The following SLC16A2 variants were observed in gnomAD, a reference collection of about 807,000 sequenced individuals.
The protein encoded by SLC16A2 is solute carrier family 16 member 2.
Under a neutral mutation model 27.2 loss-of-function variants are expected in SLC16A2, and 3 were observed. The observed-to-expected ratio is 0.11, with a 90% confidence interval of 0.05 to 0.28. The LOEUF (loss-of-function observed/expected upper bound fraction) is 0.28, where lower values mean the gene tolerates loss of function less well. Ranked by LOEUF, SLC16A2 falls within the 10% of genes least tolerant of loss-of-function variation. The pLI is 1.00. For missense variants in SLC16A2, 295 were observed against 458.5 expected (o/e 0.64, Z 3.26); for synonymous variants, 202 against 187.8 (o/e 1.08, Z -0.62).
At chrX:74,445,125 G>T (rs1928815600) in intron 1 of SLC16A2, among the ~76,000 whole-genome samples, 1 of 112,071 alleles carries the variant, frequency 8.9e-6, no homozygotes. Context: ...GAGACGCAGA[G>T]AAGTGAAGTA....
chrX:74,486,402 G>A (rs1240628796), intron 1 of SLC16A2, among the ~76,000 whole-genome samples: 1 of 112,253 alleles, frequency 8.9e-6, no homozygotes, highest in Non-Finnish European at 1.9e-5. Flanking sequence ...AGCTGTTTAG[G>A]CATCCTTGTA....
At chrX:74,427,060 C>G (rs1928413737) in intron 1 of SLC16A2, among the ~76,000 whole-genome samples, 2 of 111,983 alleles carry the variant, frequency 1.8e-5, no homozygotes, top group South Asian at 7.5e-4. Flanking sequence ...CAGGGTGGGT[C>G]TGTATGCTGC....
rs1377545085 is a variant in SLC16A2 at position 74,421,608 on chromosome X, G to A, written c.-30G>A. 1.7e-6 allele frequency: 2 copies of A among 1,201,137 alleles called. No homozygotes were observed. The highest frequency in any genetic ancestry group is 2.2e-6 in the Non-Finnish European group (2 of 891,980). On this transcript the variant is annotated 5_prime_UTR_variant, in exon 1 of 6. Transcript: ENST00000587091. ...GTACCAGCCACAAAGCGGCTCCTCT[G>A]GCCCAAGCAGCCACAGTCCCCCCGC...
intron 1 of SLC16A2, among the ~76,000 whole-genome samples, chrX:74,515,069 A>G (rs931086089): frequency 5.3e-5 from 6 of 112,503 alleles, no homozygotes; most frequent in Non-Finnish European, 7.5e-5. Flanking sequence ...TGACACTAAC[A>G]TGAAGATAAC....
At chrX:74,470,383 A>G (rs777584835) in intron 1 of SLC16A2, among the ~76,000 whole-genome samples, 3 of 112,114 alleles carry the variant, frequency 2.7e-5, no homozygotes, top group African/African-American at 9.7e-5. Context: ...GTTTAGTTTT[A>G]TAAGAAACTG....
intron 3 of SLC16A2, among the ~76,000 whole-genome samples, 194 bp from the exon 4 acceptor site, chrX:74,525,555 CT>C (rs750470675): frequency 5.4e-5 from 6 of 111,675 alleles, no homozygotes; most frequent in Admixed American, 2.9e-4. Flanking sequence ...TTAGCTGTTG[CT>C]CAGAAGTCCA....
At chrX:74,427,533 C>G (rs1928421743) in intron 1 of SLC16A2, among the ~76,000 whole-genome samples, 1 of 112,102 alleles carries the variant, frequency 8.9e-6, no homozygotes, top group African/African-American at 3.2e-5. Flanking sequence ...GGACTGTCAA[C>G]ATTTGTAGAA....
chrX:74,502,684 A>C (rs1930056000), intron 1 of SLC16A2, among the ~76,000 whole-genome samples: 1 of 112,451 alleles, frequency 8.9e-6, no homozygotes, highest in Non-Finnish European at 1.9e-5. Flanking sequence ...TAAAGTGTAC[A>C]CTAGAGATCT....
intron 1 of SLC16A2, among the ~76,000 whole-genome samples, chrX:74,469,588 CT>C (rs1258100008): frequency 1.8e-5 from 2 of 111,038 alleles, no homozygotes; most frequent in African/African-American, 6.5e-5. Flanking sequence ...TATTAGGTAT[CT>C]TTTCATGTGT....
At chrX:74,510,821 G>A (rs1459564250) in intron 1 of SLC16A2, among the ~76,000 whole-genome samples, 1 of 109,884 alleles carries the variant, frequency 9.1e-6, no homozygotes, top group Non-Finnish European at 1.9e-5. Context: ...GGAGGCTAAG[G>A]AGGGAGGACG....
chrX:74,428,565 G>A (rs759496308), intron 1 of SLC16A2, among the ~76,000 whole-genome samples: 1 of 110,443 alleles, frequency 9.1e-6, no homozygotes, highest in Non-Finnish European at 1.9e-5. Context: ...TGTTGTATAG[G>A]CCCAACTCCT....
At chrX:74,448,236 A>G (rs776152200) in intron 1 of SLC16A2, among the ~76,000 whole-genome samples, 5 of 110,023 alleles carry the variant, frequency 4.5e-5, no homozygotes, top group Admixed American at 9.8e-5. Context: ...TATTTTAAAC[A>G]ATCTTATCAG....
intron 1 of SLC16A2, among the ~76,000 whole-genome samples, chrX:74,512,485 C>G (rs1021975776): frequency 1.8e-5 from 2 of 112,324 alleles, no homozygotes; most frequent in African/African-American, 6.5e-5. Flanking sequence ...CTACCCTTGA[C>G]CTATCTTTGA....
intron 1 of SLC16A2, among the ~76,000 whole-genome samples, chrX:74,437,333 G>A (rs369614469): frequency 3.6e-5 from 4 of 112,378 alleles, no homozygotes; most frequent in South Asian, 3.7e-4. Flanking sequence ...GTCATGATAC[G>A]GAAGAGGAAT....
chrX:74,491,606 C>G (rs1166214348), intron 1 of SLC16A2, among the ~76,000 whole-genome samples: 5 of 111,942 alleles, frequency 4.5e-5, no homozygotes, highest in Non-Finnish European at 9.4e-5. Context: ...GAAACAGTCT[C>G]TCAGATTAAG....
chrX:74,471,268 G>A (rs1308555713), intron 1 of SLC16A2, among the ~76,000 whole-genome samples: 1 of 112,086 alleles, frequency 8.9e-6, no homozygotes, highest in Non-Finnish European at 1.9e-5. Context: ...GTGAATTTTT[G>A]TGAAGGGTGT....
At chrX:74,495,086 C>G (rs1929909230) in intron 1 of SLC16A2, among the ~76,000 whole-genome samples, 1 of 111,826 alleles carries the variant, frequency 8.9e-6, no homozygotes, top group Non-Finnish European at 1.9e-5. Flanking sequence ...CTCCCCCTCA[C>G]CCAGAAGAAA....
rs367613195 is a variant in SLC16A2 at position 74,479,033 on chromosome X, C to T, written c.431-41957C>T. On this transcript the variant is annotated intron_variant, in intron 1 of 5. Coordinates refer to ENST00000587091, the MANE Select transcript of SLC16A2 (RefSeq NM_006517.5). ...TTCCTGAATGTGAATGTTGGCCTGCCTTGCTAGATTCAGGAAGTTCTCCTG... is the reference window on the plus strand; with the variant it reads ...TTCCTGAATGTGAATGTTGGCCTGCTTTGCTAGATTCAGGAAGTTCTCCTG... Among the ~76,000 whole-genome samples, 106 of 111,626 alleles carry T rather than the reference C, an allele frequency of 9.5e-4. 3 individuals are homozygous for T. In the South Asian group the frequency reaches 0.037, roughly 39 times the overall value.
intron 1 of SLC16A2, among the ~76,000 whole-genome samples, chrX:74,501,882 C>T (rs1416740878): frequency 3.6e-5 from 4 of 111,517 alleles, no homozygotes; most frequent in Non-Finnish European, 7.5e-5. Flanking sequence ...TTAATGGGTG[C>T]AGCACACCAA....
Sources: gnomAD v4.1 joint callset for allele counts (sites outside exome capture counted in the v4.1 genomes callset) on GRCh38, gnomAD v4.1.1 for gene constraint, MANE v1.5 for transcripts, NCBI Gene and HGNC (gene_info 2026-07-23, HGNC 2026-07-21) for gene names.